The following WWOX variants were observed in gnomAD, a reference collection of about 807,000 sequenced individuals.
WWOX encodes WW domain-containing oxidoreductase.
Under a neutral mutation model 46.2 loss-of-function variants are expected in WWOX, and 69 were observed. The observed-to-expected ratio is 1.49, with a 90% CI of 1.23 to 1.82. The LOEUF is 1.82. Ranked by LOEUF, WWOX falls within the 40% of genes most tolerant of loss-of-function variation. The pLI, the probability that WWOX is intolerant of heterozygous loss-of-function variation, is 0.00. For missense variants in WWOX, 919 were observed against 542.6 expected (o/e 1.69, Z -6.89); for synonymous variants, 359 against 202.6 (o/e 1.77, Z -6.56).
At chr16:78,636,064 C>G (rs2046560519) in intron 8 of WWOX, among the ~76,000 whole-genome samples, 1 of 152,104 alleles carries the variant, frequency 6.6e-6, no homozygotes, top group Admixed American at 6.5e-5. Context: ...CTGTGTTTTC[C>G]TAGGAGAGAC....
intron 5 of WWOX, among the ~76,000 whole-genome samples, chr16:78,373,521 A>G: frequency 6.6e-6 from 1 of 152,220 alleles, no homozygotes; most frequent in East Asian, 1.9e-4. Flanking sequence ...GGGTTAGGAA[A>G]TGTGGCTTTC....
At chr16:78,241,416 A>G (rs1255945192) in intron 5 of WWOX, among the ~76,000 whole-genome samples, 2 of 150,610 alleles carry the variant, frequency 1.3e-5, no homozygotes, top group Non-Finnish European at 3.0e-5. Flanking sequence ...TGCTGTTGCT[A>G]TTTGTTTTTT....
intron 8 of WWOX, among the ~76,000 whole-genome samples, chr16:78,613,189 C>A (rs950329909): frequency 6.6e-6 from 1 of 152,194 alleles, no homozygotes; most frequent in Non-Finnish European, 1.5e-5. Context: ...TGGTGCCCAT[C>A]ACCCCGATCA....
At chr16:78,760,240 C>G (rs894433008) in intron 8 of WWOX, among the ~76,000 whole-genome samples, 4 of 152,162 alleles carry the variant, frequency 2.6e-5, no homozygotes, top group Admixed American at 6.5e-5. Flanking sequence ...TCTCATGAGA[C>G]TTATTCACTA....
chr16:78,652,567 G>T (rs866954005), intron 8 of WWOX, among the ~76,000 whole-genome samples: 2 of 152,148 alleles, frequency 1.3e-5, no homozygotes, highest in South Asian at 2.1e-4. Context: ...TGGTGCTCCA[G>T]GTATTTCTCA....
chr16:78,628,428 G>T (rs768817635), intron 8 of WWOX, among the ~76,000 whole-genome samples: 1 of 152,140 alleles, frequency 6.6e-6, no homozygotes, highest in African/African-American at 2.4e-5. Flanking sequence ...TGTGGGTGCC[G>T]AGAATCAGTA....
intron 8 of WWOX, among the ~76,000 whole-genome samples, chr16:78,704,391 T>G (rs1195443787): frequency 2.6e-5 from 4 of 152,210 alleles, no homozygotes; most frequent in Non-Finnish European, 5.9e-5. Flanking sequence ...TGGTTTTATC[T>G]TTTATACATA....
intron 4 of WWOX, among the ~76,000 whole-genome samples, chr16:78,117,717 T>C (rs2032872801): frequency 6.6e-6 from 1 of 152,180 alleles, no homozygotes. Flanking sequence ...TAAAATGAAA[T>C]AGCTGAATGC....
chr16:78,596,187 A>C (rs1156528607), intron 8 of WWOX, among the ~76,000 whole-genome samples: 2 of 152,200 alleles, frequency 1.3e-5, no homozygotes, highest in Non-Finnish European at 2.9e-5. Flanking sequence ...TGATATCAAC[A>C]AAACAAAACA....
At chr16:78,888,823 T>C (rs2044523653) in intron 8 of WWOX, among the ~76,000 whole-genome samples, 1 of 152,200 alleles carries the variant, frequency 6.6e-6, no homozygotes, top group Non-Finnish European at 1.5e-5. Context: ...TTTTTTTCTT[T>C]TTAATTCATA....
chr16:78,558,185 G>A (rs1334734119), intron 8 of WWOX, among the ~76,000 whole-genome samples: 2 of 152,140 alleles, frequency 1.3e-5, no homozygotes, highest in African/African-American at 2.4e-5. Context: ...CTTCCCGGAG[G>A]TCAGCTTTAT....
chr16:78,790,668 C>A (rs909847786), intron 8 of WWOX, among the ~76,000 whole-genome samples: 6 of 152,002 alleles, frequency 3.9e-5, no homozygotes, highest in African/African-American at 1.4e-4. Flanking sequence ...AACACAAGTA[C>A]AAAGGTTCAG....
Position 78,888,835 on chromosome 16 carries a change from T to C in WWOX, c.1057-322773T>C, listed in dbSNP as rs186291420. Among the ~76,000 whole-genome samples, 194 of 152,202 alleles carry C rather than the reference T, an allele frequency of 1.3e-3. 1 individual carries two copies. The highest frequency in any genetic ancestry group is 6.8e-3 in the Middle Eastern group (2 of 294). ...TTTTTTTTTTCTTTTTAATTCATAG[T>C]CTCAACTATGTCTCAAGACTGCCCA... is the stretch of plus-strand genomic sequence containing the variant. On this transcript the variant is annotated intron_variant, in intron 8 of 8. Transcript: ENST00000566780.
chr16:78,413,667 G>A (rs2082732386), intron 6 of WWOX, among the ~76,000 whole-genome samples: 1 of 151,822 alleles, frequency 6.6e-6, no homozygotes, highest in Non-Finnish European at 1.5e-5. Context: ...AGGTCACTGG[G>A]GATATGATGG....
intron 8 of WWOX, chr16:79,206,680 T>C (rs919836184): frequency 1.4e-5 from 2 of 145,886 alleles, no homozygotes; most frequent in Admixed American, 6.7e-5. Context: ...CGTCTGCTGC[T>C]TCCCATCATT....
intron 5 of WWOX, among the ~76,000 whole-genome samples, chr16:78,337,598 C>A (rs1386537552): frequency 6.6e-6 from 1 of 152,108 alleles, no homozygotes; most frequent in Non-Finnish European, 1.5e-5. Context: ...TGAAACCATT[C>A]CAATTTCATA....
chr16:78,241,599 T>C (rs2037651445), intron 5 of WWOX, among the ~76,000 whole-genome samples: 1 of 152,082 alleles, frequency 6.6e-6, no homozygotes, highest in African/African-American at 2.4e-5. Context: ...CTACCATGCC[T>C]GGCTAATTCT....
intron 8 of WWOX, among the ~76,000 whole-genome samples, chr16:78,849,610 C>G (rs2052391596): frequency 6.6e-6 from 1 of 150,566 alleles, no homozygotes; most frequent in African/African-American, 2.4e-5. Flanking sequence ...ACTACAACCA[C>G]ATTTTGAGAT....
chr16:78,518,965 C>T (rs1042181155), intron 8 of WWOX, among the ~76,000 whole-genome samples: 4 of 152,204 alleles, frequency 2.6e-5, no homozygotes, highest in African/African-American at 4.8e-5. Context: ...CAGAAAAAAA[C>T]TTGCTTGTTT....
Sources: allele counts gnomAD v4.1 joint callset (sites outside exome capture counted in the v4.1 genomes callset), GRCh38; gene constraint gnomAD v4.1.1; transcripts MANE v1.5; gene names NCBI Gene and HGNC (gene_info 2026-07-23, HGNC 2026-07-21).